Variants in TP63 observed in about 807,000 individuals in gnomAD.
TP63 encodes the protein tumor protein p63.
A neutral mutation model predicts 82.8 loss-of-function variants in TP63; 17 were observed. That is an observed-to-expected ratio of 0.21 (90% CI 0.14 to 0.31). The LOEUF (loss-of-function observed/expected upper bound fraction) is 0.31, where lower values mean the gene tolerates loss of function less well. TP63 is among the 10% of genes least tolerant of loss of function. The pLI is 1.00. For synonymous variants in TP63, 330 were observed against 321.7 expected, an observed-to-expected ratio of 1.03 and a Z score of -0.28; for missense variants, 648 against 895.3, an observed-to-expected ratio of 0.72 and a Z score of 3.52.
chr3:189,753,303 C>T lies in TP63; in HGVS notation c.324+14529C>T, dbSNP rs189137667. Among the ~76,000 whole-genome samples the T allele has an allele frequency of 4.4e-3, 663 of 152,116 alleles. 4 individuals are homozygous for T. Among genetic ancestry groups the T allele is most frequent in the African/African-American group, 0.015 (620 of 41,560 alleles). ...CTCCTATCAAATATGTCAGGTTTTA[C>T]TACATGTATACTAAAGCTCCCTTGT... On this transcript the variant is annotated intron_variant, in intron 3 of 13. Coordinates refer to ENST00000264731, the MANE Select transcript of TP63 (RefSeq NM_003722.5).
chr3:189,891,697 C>T (rs1429201593), intron 13 of TP63, among the ~76,000 whole-genome samples: 1 of 152,124 alleles, frequency 6.6e-6, no homozygotes, highest in Admixed American at 6.5e-5. Context: ...TTCTTGCTTC[C>T]TACTCCACTT....
intron 3 of TP63, among the ~76,000 whole-genome samples, chr3:189,761,200 G>A (rs1019700375): frequency 3.3e-5 from 5 of 152,142 alleles, no homozygotes; most frequent in Non-Finnish European, 7.3e-5. Context: ...AATTGCTGCA[G>A]CCAACTTAAA....
At chr3:189,615,004 G>A in the TP63 span, among the ~76,000 whole-genome samples, 1 of 152,236 alleles carries the variant, frequency 6.6e-6, no homozygotes, top group African/African-American at 2.4e-5. Flanking sequence ...CAGGATGATT[G>A]TAGTAGCTTC....
intron 1 of TP63, among the ~76,000 whole-genome samples, chr3:189,655,955 C>T (rs950307692): frequency 7.2e-5 from 11 of 152,152 alleles, no homozygotes; most frequent in African/African-American, 2.7e-4. Context: ...TAAGAAAAGA[C>T]ATTGACAGGG....
chr3:189,688,752 A>G (rs1185237551), intron 1 of TP63, among the ~76,000 whole-genome samples: 1 of 152,192 alleles, frequency 6.6e-6, no homozygotes, highest in African/African-American at 2.4e-5. Context: ...GTTGTTGTTT[A>G]TGTAAATGGT....
intron 4 of TP63, among the ~76,000 whole-genome samples, chr3:189,851,984 G>T (rs541457691): frequency 6.6e-6 from 1 of 152,238 alleles, no homozygotes; most frequent in South Asian, 2.1e-4. Context: ...AGGAAACAGG[G>T]AACGGGAGGA....
intron 4 of TP63, among the ~76,000 whole-genome samples, chr3:189,833,679 T>TC (rs1712699638): frequency 6.8e-5 from 1 of 14,698 alleles, no homozygotes; most frequent in Non-Finnish European, 1.1e-4. Flanking sequence ...TCTCTCTCTC[T>TC]TTTTTTTTTT....
At chr3:189,776,222 TC>T (rs1400170648) in intron 3 of TP63, among the ~76,000 whole-genome samples, 1 of 152,222 alleles carries the variant, frequency 6.6e-6, no homozygotes, top group Non-Finnish European at 1.5e-5. Context: ...GATGTAATAT[TC>T]TTTAGTTTTA....
intron 1 of TP63, among the ~76,000 whole-genome samples, chr3:189,725,926 G>A (rs577360813): frequency 2.4e-4 from 36 of 152,046 alleles, no homozygotes; most frequent in Non-Finnish European, 5.0e-4. Context: ...GTGCTGGCAC[G>A]CACCTGTAAT....
At chr3:189,672,630 AAGGAAGGGAGGG>A (rs1714994569) in intron 1 of TP63, among the ~76,000 whole-genome samples, 1 of 127,510 alleles carries the variant, frequency 7.8e-6, no homozygotes, top group South Asian at 3.2e-4. Context: ...AAAAGGAAGG[AAGGAAGGGAGGG>A]AGGGAGGGAG....
chr3:189,776,176 T>C (rs1723778307), intron 3 of TP63, among the ~76,000 whole-genome samples: 1 of 152,218 alleles, frequency 6.6e-6, no homozygotes, highest in South Asian at 2.1e-4. Context: ...TTCTCTAAAA[T>C]AAAAACGTGT....
At position 189,651,585 on chromosome 3, in the gene TP63, T is replaced by TG. The variant is rs573632341; in HGVS notation, c.62+20014dup. Reference sequence around the variant, plus strand: ...AAGTAAAGCAAAGAAAAACCCATTTTGGGGGGAGAAATTCAGGCCCAAGCT... The same window carrying TG: ...AAGTAAAGCAAAGAAAAACCCATTTTGGGGGGGAGAAATTCAGGCCCAAGCT... On this transcript the variant is annotated intron_variant, in intron 1 of 13. Coordinates refer to ENST00000264731, the MANE Select transcript of TP63 (RefSeq NM_003722.5). Among the ~76,000 whole-genome samples, 91 of 144,804 alleles carry TG rather than the reference T, an allele frequency of 6.3e-4. 9 individuals carry two copies. Among genetic ancestry groups the TG allele is most frequent in the Middle Eastern group, 3.5e-3 (1 of 284 alleles). The allele number at this position is 144,804 out of a possible 152,430, so 95.0% of individuals were successfully genotyped here. A position where few individuals can be genotyped will look rare whatever the true frequency, so the allele number is the denominator to read the frequency against.
At position 189,786,788 on chromosome 3, in the gene TP63, T is replaced by C. The variant is rs151172393; in HGVS notation, c.325-21484T>C. On this transcript the variant is annotated intron_variant, in intron 3 of 13. Transcript: ENST00000264731. ...TTCTAACTACTGAGGACTTGGGACA[T>C]TGACGTAAAATCCTTGCATTTCTTT... is the stretch of plus-strand genomic sequence containing the variant. Among the ~76,000 whole-genome samples the C allele has an allele frequency of 8.2e-3, 1,252 of 152,134 alleles. 22 individuals carry two copies. Among genetic ancestry groups the C allele is most frequent in the African/African-American group, 0.029 (1,190 of 41,540 alleles).
intron 1 of TP63, among the ~76,000 whole-genome samples, chr3:189,655,736 T>C (rs1713296461): frequency 1.3e-5 from 2 of 152,168 alleles, no homozygotes; most frequent in South Asian, 4.1e-4. Context: ...ATGTGATAAA[T>C]TGTTTGAGGC....
chr3:189,776,060 G>A (rs907698404), intron 3 of TP63, among the ~76,000 whole-genome samples: 14 of 152,120 alleles, frequency 9.2e-5, no homozygotes, highest in Non-Finnish European at 2.1e-4. Flanking sequence ...GTTCAGATTA[G>A]CCTAGGCAAC....
chr3:189,809,956 T>G (rs911385842), intron 4 of TP63, among the ~76,000 whole-genome samples: 2 of 152,236 alleles, frequency 1.3e-5, no homozygotes, highest in African/African-American at 4.8e-5. Flanking sequence ...TCCCTCTCAC[T>G]GGATTGTATC....
chr3:189,675,586 A>G (rs887305171), intron 1 of TP63, among the ~76,000 whole-genome samples: 3 of 152,108 alleles, frequency 2.0e-5, no homozygotes, highest in African/African-American at 7.2e-5. Context: ...TTCCCAACCC[A>G]TAGATTTTTT....
At position 189,828,509 on chromosome 3, in the gene TP63, G is replaced by T. The variant is rs1200173030; in HGVS notation, c.579+19983G>T. Among the ~76,000 whole-genome samples, 3 of 152,268 alleles carry T rather than the reference G, an allele frequency of 2.0e-5. No homozygotes were observed. The East Asian group carries it at 5.8e-4, about 29-fold the overall frequency. ...TGGGGCCTTTTTGGTGCCATGCTTT[G>T]CTTTCTTTAGTTAGGATTAGTCTTG... On this transcript the variant is annotated intron_variant, in intron 4 of 13. Transcript: ENST00000264731.
chr3:189,682,570 A>ATATATG (rs1716068423), intron 1 of TP63, among the ~76,000 whole-genome samples: 2 of 17,312 alleles, frequency 1.2e-4, no homozygotes, highest in Non-Finnish European at 2.6e-4. Context: ...ATATATATAT[A>ATATATG]TATATATATA....
Sources: allele counts gnomAD v4.1 joint callset (sites outside exome capture counted in the v4.1 genomes callset), GRCh38; gene constraint gnomAD v4.1.1; transcripts MANE v1.5; gene names NCBI Gene and HGNC (gene_info 2026-07-23, HGNC 2026-07-21).